PROSER3: variants seen among roughly 807,000 people sequenced by gnomAD.
PROSER3 encodes proline and serine-rich protein 3.
In PROSER3, 33 loss-of-function variants were observed where a neutral mutation model predicts 50.2. The observed-to-expected ratio is 0.66, with a 90% CI of 0.50 to 0.88. The LOEUF (loss-of-function observed/expected upper bound fraction) is 0.88. Among genes scored for constraint, PROSER3 ranks in the 40% least tolerant of loss-of-function variants. The pLI, the probability that PROSER3 is intolerant of heterozygous loss-of-function variation, is 0.00. For synonymous variants in PROSER3, 266 were observed against 259.3 expected, an observed-to-expected ratio of 1.03 and a Z score of -0.25; for missense variants, 623 against 612.7, an observed-to-expected ratio of 1.02 and a Z score of -0.18.
rs555118790 is a variant in PROSER3, at chr19:35,767,993, C to T, written c.1147C>T (p.Pro383Ser). ...GTCTCCGGAGGCCCTGGCCCCGCCC[C>T]CGCCCGCTGCTGACCACGCCCCCTC... The change falls in exon 9 of 11, where the codon CCG (proline) becomes TCG (serine). Residue 383 changes from proline to serine, a missense_variant. Pro to Ser is a moderately conservative substitution (Grantham distance 74, BLOSUM62 -1). Around this residue, in one of 3 missense-constraint regions of PROSER3, gnomAD observed 380 missense variants for 346.8 expected, o/e 1.10. Transcript: ENST00000396908. 798 of 1,596,680 alleles carry T rather than the reference C, an allele frequency of 5.0e-4. 2 individuals are homozygous for T. The highest frequency in any genetic ancestry group is 6.1e-4 in the Non-Finnish European group (717 of 1,174,034).
At chr19:35,763,880 G>A (rs1971050148) in intron 5 of PROSER3, among the ~76,000 whole-genome samples, 1 of 148,216 alleles carries the variant, frequency 6.7e-6, no homozygotes, top group Non-Finnish European at 1.5e-5. Context: ...ATGGCTCACT[G>A]CAGCCTTGAA....
chr19:35,767,317 A>C, intron 8 of PROSER3: 1 of 286,610 alleles, frequency 3.5e-6, no homozygotes. Flanking sequence ...CCTCCACCCT[A>C]GCACATCTGG....
chr19:35,760,074 G>C, intron 3 of PROSER3, 83 bp downstream of exon 3: 1 of 1,347,908 alleles, frequency 7.4e-7, no homozygotes. Flanking sequence ...ATCATGGCCA[G>C]AGCTGTTTCT....
chr19:35,758,270 G>T, intron 1 of PROSER3, 44 bp downstream of exon 1: 1 of 1,553,014 alleles, frequency 6.4e-7, no homozygotes, highest in Non-Finnish European at 8.7e-7. Flanking sequence ...GGCTGGGGAG[G>T]ACCAACGGCG....
At chr19:35,765,013 A>G in intron 6 of PROSER3, 21 bp from the exon 7 acceptor site, 2 of 1,611,424 alleles carry the variant, frequency 1.2e-6, no homozygotes, top group South Asian at 1.1e-5. Flanking sequence ...CCATTGCCTC[A>G]CTCCTGCCTT....
Position 35,768,506 on chromosome 19 carries a change from A to G in PROSER3, c.1404A>G (p.Leu468=), listed in dbSNP as rs372263827. 2.3e-5 allele frequency: 36 copies of G among 1,597,838 alleles called. 1 individual carries two copies. The African/African-American group carries it at 3.1e-4, about 14-fold the overall frequency. ...CCCCTAGGTCCCCAAGGAGGCTGCT[A>G]AGAAGGGAAGGAGATTCCCTGGAGG... Residue 468 remains leucine (L), a synonymous_variant, in exon 11 of 11, where the codon CTA becomes CTG. Coordinates refer to ENST00000396908, the Ensembl canonical transcript of PROSER3.
intron 1 of PROSER3, 96 bp downstream of exon 1, chr19:35,758,322 C>G: frequency 7.0e-7 from 1 of 1,421,448 alleles, no homozygotes; most frequent in Non-Finnish European, 9.3e-7. Context: ...GGTCTGGAGT[C>G]GCTAGGGCTC....
chr19:35,766,476 G>A (rs1408740493), intron 7 of PROSER3, among the ~76,000 whole-genome samples: 1 of 152,132 alleles, frequency 6.6e-6, no homozygotes, highest in Admixed American at 6.5e-5. Flanking sequence ...AGCCCAGGAG[G>A]TCGAGACTGC....
exon 11 of PROSER3, chr19:35,768,656 T>C: frequency 7.4e-7 from 1 of 1,351,418 alleles, no homozygotes; most frequent in East Asian, 2.5e-5. Flanking sequence ...CATGCCAATT[T>C]AAGGAAATGC....
At chr19:35,766,033 G>C (rs1199785108) in intron 7 of PROSER3, among the ~76,000 whole-genome samples, 1 of 152,156 alleles carries the variant, frequency 6.6e-6, no homozygotes, top group Non-Finnish European at 1.5e-5. Context: ...CGAGAGGCCT[G>C]GTCTGACTCA....
At chr19:35,765,713 T>G (rs1018788889) in intron 7 of PROSER3, among the ~76,000 whole-genome samples, 5 of 152,124 alleles carry the variant, frequency 3.3e-5, no homozygotes, top group Non-Finnish European at 7.4e-5. Context: ...ATTTTTTTAT[T>G]TGTTGAGATG....
At chr19:35,764,514 A>C (rs1971071063) in intron 5 of PROSER3, among the ~76,000 whole-genome samples, 1 of 152,004 alleles carries the variant, frequency 6.6e-6, no homozygotes. Flanking sequence ...AAATTAGCCG[A>C]GCGTGGTGGC....
intron 7 of PROSER3, 140 bp downstream of exon 7, chr19:35,765,316 AG>A (rs1971108136): frequency 8.9e-7 from 1 of 1,118,982 alleles, no homozygotes; most frequent in Non-Finnish European, 1.2e-6. Context: ...GAGGTGGGTC[AG>A]GCATGGAGGC....
intron 8 of PROSER3, chr19:35,767,730 C>G: frequency 6.5e-7 from 1 of 1,530,156 alleles, no homozygotes; most frequent in South Asian, 1.3e-5. Flanking sequence ...AAGGCTGGAT[C>G]TCCGAAAGTC....
At chr19:35,765,734 T>G (rs569897435) in intron 7 of PROSER3, among the ~76,000 whole-genome samples, 2 of 152,226 alleles carry the variant, frequency 1.3e-5, no homozygotes, top group Non-Finnish European at 2.9e-5. Context: ...AGGGTCTCAC[T>G]ATGTTGCTCA....
chr19:35,769,771 C>T (rs541260276), downstream of PROSER3: 3 of 152,414 alleles, frequency 2.0e-5, no homozygotes, highest in East Asian at 5.8e-4. Context: ...ACCCTTGTTG[C>T]CCAGGCTGTA....
intron 1 of PROSER3, 125 bp downstream of exon 1, chr19:35,758,351 A>G (rs2146542543): frequency 7.9e-7 from 1 of 1,273,756 alleles, no homozygotes; most frequent in Admixed American, 3.3e-5. Context: ...TGGAACTACA[A>G]TTCCCAACAT....
intron 5 of PROSER3, among the ~76,000 whole-genome samples, chr19:35,764,396 C>T (rs1435779824): frequency 6.6e-6 from 1 of 152,058 alleles, no homozygotes; most frequent in African/African-American, 2.4e-5. Flanking sequence ...GTGGCTCACG[C>T]CTGTAATCCC....
chr19:35,763,100 G>A (rs1971013000), intron 5 of PROSER3: 1 of 152,124 alleles, frequency 6.6e-6, no homozygotes. Flanking sequence ...AGGATTTGCT[G>A]GCTAATGTAA....
Sources: gnomAD v4.1 joint callset for allele counts (sites outside exome capture counted in the v4.1 genomes callset) on GRCh38, gnomAD v4.1.1 for gene constraint, gnomAD v4.1.1 regional missense constraint, MANE v1.5 for transcripts, NCBI Gene and HGNC (gene_info 2026-07-23, HGNC 2026-07-21) for gene names.